Variants in DSC2 observed in about 807,000 individuals in gnomAD.
DSC2 encodes the protein desmocollin-2.
In DSC2, 51 loss-of-function variants were observed where a neutral mutation model predicts 87.6. The ratio of observed to expected loss-of-function variants is 0.58; its 90% CI spans 0.46 to 0.74. The LOEUF is 0.74. Among genes scored for constraint, DSC2 ranks in the 30% least tolerant of loss-of-function variants. The pLI is 0.00. For synonymous variants in DSC2, 383 were observed against 393.2 expected (o/e 0.97, Z 0.31); for missense variants, 1,066 against 1,089.5 (o/e 0.98, Z 0.30).
chr18:31,101,765 A>C (rs1987966910), intron 1 of DSC2, 138 bp downstream of exon 1: 45 of 646,128 alleles, frequency 7.0e-5, no homozygotes, highest in Admixed American at 1.5e-4. Flanking sequence ...ACCCCCGCCA[A>C]CTCCATTTTC....
rs1209457495 is a variant in DSC2 at position 31,060,440 on chromosome 18, C to T, written c.*7575G>A. 6.6e-6 allele frequency: 1 copy of T among 152,138 alleles called. No homozygotes were observed. Among genetic ancestry groups the T allele is most frequent in the Admixed American group, 6.5e-5 (1 of 15,270 alleles). The allele number at this position is 152,138 out of a possible 1,614,324, so 9.4% of individuals were successfully genotyped here. On this transcript the variant is annotated 3_prime_UTR_variant, in exon 16 of 16. Coordinates refer to ENST00000280904, the MANE Select transcript of DSC2 (RefSeq NM_024422.6). ...CACTCCTTAAGCTGAAAAGTCTCGTCTCTACCCTCATCTCCCATCCCTGAT... is the reference window on the plus strand; with the variant it reads ...CACTCCTTAAGCTGAAAAGTCTCGTTTCTACCCTCATCTCCCATCCCTGAT...
At position 31,075,264 on chromosome 18, in the gene DSC2, C is replaced by T. The variant is rs999155681; in HGVS notation, c.1664-357G>A. On this transcript the variant is annotated intron_variant, in intron 11 of 15. Transcript: ENST00000280904. ...GATGGAAACGCACGTTATACACACCCGTGATCTGGAGACAATGACAGGGAA... is the reference window on the plus strand; with the variant it reads ...GATGGAAACGCACGTTATACACACCTGTGATCTGGAGACAATGACAGGGAA... Among the ~76,000 whole-genome samples, 9 of 152,212 alleles carry T rather than the reference C, an allele frequency of 5.9e-5. No individual in the cohort carries two copies. The East Asian group carries it at 1.5e-3, about 26-fold the overall frequency.
Position 31,080,326 on chromosome 18 carries a change from C to G in DSC2, c.1290G>C (p.Gln430His), listed in dbSNP as rs191461349. Residue 430 changes from glutamine to histidine, a missense_variant, in exon 10 of 16, where the codon CAG becomes CAC. Coordinates refer to ENST00000280904, the MANE Select transcript of DSC2 (RefSeq NM_024422.6). ...VKPLNYEEKQ[Q>H]MILQIGVVNE... ...TAACTACACCAATTTGCAAGATCAT[C>G]TGTTGCTTTTCTTCATAATTCAAAG... 6.2e-7 allele frequency: 1 copy of G among 1,613,982 alleles called. No individual in the cohort carries two copies. Among genetic ancestry groups the G allele is most frequent in the African/African-American group, 1.3e-5 (1 of 75,042 alleles).
chr18:31,089,867 C>CT (rs1195524403), intron 4 of DSC2, among the ~76,000 whole-genome samples: 2 of 152,140 alleles, frequency 1.3e-5, no homozygotes, highest in Non-Finnish European at 2.9e-5. Context: ...GGAAAAAACA[C>CT]TTAAGACTCT....
At position 31,080,196 on chromosome 18, in the gene DSC2, G is replaced by A; in HGVS notation, c.1420C>T (p.Pro474Ser). Residue 474 changes from proline to serine, a missense_variant, in exon 10 of 16, where the codon CCA becomes TCA. By Grantham distance (74) the Pro-to-Ser change is moderately conservative (BLOSUM62 -1). Coordinates refer to ENST00000280904, the MANE Select transcript of DSC2 (RefSeq NM_024422.6). ...DQDEGPECNP[P>S]IQTVRMKENA... ...TCTTTCATGCGAACAGTCTGTATTG[G>A]AGGGTTACACTCAGGGCCCTCATCC... is the stretch of plus-strand genomic sequence containing the variant. 6.2e-7 allele frequency: 1 copy of A among 1,614,004 alleles called. No individual in the cohort carries two copies. Among genetic ancestry groups the A allele is most frequent in the Non-Finnish European group, 8.5e-7 (1 of 1,180,002 alleles).
rs1177454200 is a variant in DSC2, at chr18:31,080,169, T to C, written c.1447A>G (p.Asn483Asp). ...PPIQTVRMKE[N>D]AEVGTTSNGY... is the part of the protein sequence containing the mutation. Reference sequence around the variant, plus strand: ...TTGCTTGTTGTTCCCACTTCTGCATTTTCTTTCATGCGAACAGTCTGTATT... The same window carrying C: ...TTGCTTGTTGTTCCCACTTCTGCATCTTCTTTCATGCGAACAGTCTGTATT... Residue 483 changes from asparagine (N) to aspartate (D), a missense_variant, in exon 10 of 16, where the codon AAT becomes GAT. Coordinates refer to ENST00000280904, the MANE Select transcript of DSC2 (RefSeq NM_024422.6). 1 of 1,614,052 alleles carries C rather than the reference T, an allele frequency of 6.2e-7. No individual in the cohort carries two copies. Among genetic ancestry groups the C allele is most frequent in the Non-Finnish European group, 8.5e-7 (1 of 1,180,038 alleles).
Position 31,080,126 on chromosome 18 carries a change from T to C in DSC2, c.1490A>G (p.Asp497Gly). The C allele has an allele frequency of 1.2e-6, 2 of 1,614,084 alleles. No homozygotes were observed. Among genetic ancestry groups the C allele is most frequent in the Non-Finnish European group, 1.7e-6 (2 of 1,180,010 alleles). Residue 497 changes from aspartate (D) to glycine (G), a missense_variant, in exon 10 of 16, where the codon GAC (aspartate) becomes GGC (glycine). Transcript: ENST00000280904. ...GCCACTGCTACTTCTTGTTTCTGGG[T>C]CATATGCTTTATATCCATTGCTTGT... ...GTTSNGYKAY[D>G]PETRSSSGIR...
At position 31,063,183 on chromosome 18, in the gene DSC2, T is replaced by C. The variant is rs1986534253; in HGVS notation, c.*4832A>G. 1 of 151,742 alleles carries C rather than the reference T, an allele frequency of 6.6e-6. No individual in the cohort carries two copies. The allele number at this position is 151,742 out of a possible 1,614,324, so 9.4% of individuals were successfully genotyped here. A position where few individuals can be genotyped will look rare whatever the true frequency, so the allele number is the denominator to read the frequency against. ...CTTTCTCTGCTAAAAATACAAAAAT[T>C]AACCAGGCGTGGTGGTAGGTGCCTG... On this transcript the variant is annotated 3_prime_UTR_variant, in exon 16 of 16. Coordinates refer to ENST00000280904, the MANE Select transcript of DSC2 (RefSeq NM_024422.6).
At position 31,102,040 on chromosome 18, in the gene DSC2, C is replaced by CCG. The variant is rs1987982955; in HGVS notation, c.-71_-70dup. The CCG allele has an allele frequency of 7.6e-7, 1 of 1,321,724 alleles. No homozygotes were observed. The highest frequency in any genetic ancestry group is 9.8e-7 in the Non-Finnish European group (1 of 1,022,796). The allele number at this position is 1,321,724 out of a possible 1,614,324, so 81.9% of individuals were successfully genotyped here. A position where few individuals can be genotyped will look rare whatever the true frequency, so the allele number is the denominator to read the frequency against. ...GTAGGAGGGCTCCGCGGGGCGAGGG[C>CCG]CGCGGCCGGAGCGCAGTCTGGGCCC... is the stretch of plus-strand genomic sequence containing the variant. On this transcript the variant is annotated 5_prime_UTR_variant, in exon 1 of 16. Coordinates refer to ENST00000280904, the MANE Select transcript of DSC2 (RefSeq NM_024422.6).
chr18:31,093,108 T>A (rs953993804), intron 2 of DSC2, among the ~76,000 whole-genome samples: 4 of 152,222 alleles, frequency 2.6e-5, no homozygotes, highest in African/African-American at 9.6e-5. Flanking sequence ...AATTTTAAAA[T>A]ACCACAGCAA....
rs17799745 is a variant in DSC2 at position 31,086,863 on chromosome 18, T to C, written c.776-121A>G. Reference sequence around the variant, plus strand: ...ACCACATTATTACATGGCAAAGTCATGGCTTTTATAAATTTGCAGACCTCT... The same window carrying C: ...ACCACATTATTACATGGCAAAGTCACGGCTTTTATAAATTTGCAGACCTCT... On this transcript the variant is annotated intron_variant, in intron 6 of 15. Transcript: ENST00000280904. 140,606 of 1,079,858 alleles carry C rather than the reference T, an allele frequency of 0.13. 10,045 individuals are homozygous for C. Among genetic ancestry groups the C allele is most frequent in the Middle Eastern group, 0.2 (725 of 3,594 alleles). The allele number at this position is 1,079,858 out of a possible 1,614,324, so 66.9% of individuals were successfully genotyped here. A position where few individuals can be genotyped will look rare whatever the true frequency, so the allele number is the denominator to read the frequency against.
chr18:31,068,313 T>TGAAA (rs1567971122), intron 15 of DSC2, 101 bp from the exon 16 acceptor site: 1 of 1,613,730 alleles, frequency 6.2e-7, no homozygotes, highest in Non-Finnish European at 8.5e-7. Context: ...CATTGTTTAA[T>TGAAA]TTTTAATCAG....
In DSC2 at chr18:31,060,025, A is replaced by T. The variant is rs1400249571; in HGVS notation, c.*7990T>A. On this transcript the variant is annotated 3_prime_UTR_variant, in exon 16 of 16. Transcript: ENST00000280904. ...GTAACACAGCAAGAACAAAGCTGAG[A>T]TTTGGATCCACGTCTTTCTGACTGC... 6.6e-6 allele frequency: 1 copy of T among 152,084 alleles called. No homozygotes were observed. The highest frequency in any genetic ancestry group is 1.9e-4 in the East Asian group (1 of 5,184). 9.4% of individuals were successfully genotyped at this position (152,084 alleles called of 1,614,324 possible).
chr18:31,085,084 A>G (rs191933624), intron 7 of DSC2, among the ~76,000 whole-genome samples: 1 of 152,216 alleles, frequency 6.6e-6, no homozygotes, highest in Admixed American at 6.5e-5. Flanking sequence ...CCACATTACC[A>G]AAAACATTTA....
At chr18:31,096,120 CA>C (rs1477789726) in intron 1 of DSC2, among the ~76,000 whole-genome samples, 1 of 152,132 alleles carries the variant, frequency 6.6e-6, no homozygotes, top group Non-Finnish European at 1.5e-5. Flanking sequence ...ATTAAATAAG[CA>C]GCTTTATATT....
At position 31,102,050 on chromosome 18, in the gene DSC2, A is replaced by C; in HGVS notation, c.-79T>G. On this transcript the variant is annotated 5_prime_UTR_variant, in exon 1 of 16. Coordinates refer to ENST00000280904, the MANE Select transcript of DSC2 (RefSeq NM_024422.6). ...TCCGCGGGGCGAGGGCCGCGGCCGGAGCGCAGTCTGGGCCCGCTGCTCAGG... is the reference window on the plus strand; with the variant it reads ...TCCGCGGGGCGAGGGCCGCGGCCGGCGCGCAGTCTGGGCCCGCTGCTCAGG... 7.9e-7 allele frequency: 1 copy of C among 1,261,750 alleles called. No homozygotes were observed. The highest frequency in any genetic ancestry group is 1.0e-6 in the Non-Finnish European group (1 of 969,356). 78.2% of individuals were successfully genotyped at this position (1,261,750 alleles called of 1,614,324 possible). A position where few individuals can be genotyped will look rare whatever the true frequency, so the allele number is the denominator to read the frequency against.
Position 31,060,183 on chromosome 18 carries a change from A to T in DSC2, c.*7832T>A, listed in dbSNP as rs368527705. The T allele has an allele frequency of 1.3e-5, 2 of 152,288 alleles. No individual in the cohort carries two copies. The highest frequency in any genetic ancestry group is 3.9e-4 in the East Asian group (2 of 5,182). 9.4% of individuals were successfully genotyped at this position (152,288 alleles called of 1,614,324 possible). On this transcript the variant is annotated 3_prime_UTR_variant, in exon 16 of 16. Coordinates refer to ENST00000280904, the MANE Select transcript of DSC2 (RefSeq NM_024422.6). ...TTATTTTCAGTTATTCATATATTTAATGCCACTGAGACAAACATCCTTGCA... is the reference window on the plus strand; with the variant it reads ...TTATTTTCAGTTATTCATATATTTATTGCCACTGAGACAAACATCCTTGCA...
At chr18:31,079,622 A>C (rs924234566) in intron 11 of DSC2, among the ~76,000 whole-genome samples, 1 of 152,102 alleles carries the variant, frequency 6.6e-6, no homozygotes, top group African/African-American at 2.4e-5. Context: ...TTATGGTCTC[A>C]AGTGTTTCTA....
rs776917359 is a variant in DSC2 at position 31,079,876 on chromosome 18, T to C, written c.1634A>G (p.Tyr545Cys). The C allele has an allele frequency of 1.5e-5, 24 of 1,613,880 alleles. No individual in the cohort carries two copies. In the Middle Eastern group the frequency reaches 4.9e-4, roughly 33 times the overall value. Residue 545 changes from tyrosine to cysteine, a missense_variant, in exon 11 of 16, where the codon TAT becomes TGT. Physicochemically the swap from Tyr to Cys is radical, Grantham distance 194. Transcript: ENST00000280904. ...GTCTGATGCAAGGACTGTAATATTA[T>C]ATATGCCATTTTTGATGGTCTCTGC... is the stretch of plus-strand genomic sequence containing the variant. ...REAETIKNGI[Y>C]NITVLASDQG...
Sources: allele counts gnomAD v4.1 joint callset (sites outside exome capture counted in the v4.1 genomes callset), GRCh38; gene constraint gnomAD v4.1.1; transcripts MANE v1.5; gene names NCBI Gene and HGNC (gene_info 2026-07-23, HGNC 2026-07-21).